Variants in NUBPL observed in about 807,000 individuals in gnomAD.
NUBPL encodes iron-sulfur cluster transfer protein NUBPL.
Under a neutral mutation model 45.7 loss-of-function variants are expected in NUBPL, and 31 were observed. The observed-to-expected ratio is 0.68, with a 90% CI of 0.51 to 0.92. The LOEUF is 0.92. NUBPL is among the 40% of genes least tolerant of loss of function. The pLI, the probability that NUBPL is intolerant of heterozygous loss-of-function variation, is 0.00. For missense variants in NUBPL, 401 were observed against 398.7 expected, an observed-to-expected ratio of 1.01 and a Z score of -0.05; for synonymous variants, 144 against 140.9, an observed-to-expected ratio of 1.02 and a Z score of -0.15.
chr14:31,832,434 A>T (rs2040207745), intron 8 of NUBPL, among the ~76,000 whole-genome samples: 1 of 152,186 alleles, frequency 6.6e-6, no homozygotes, highest in African/African-American at 2.4e-5. Context: ...TAATAAATCT[A>T]CCAGGAGCTG....
chr14:31,763,868 A>C (rs2038863170), intron 6 of NUBPL, among the ~76,000 whole-genome samples: 1 of 152,338 alleles, frequency 6.6e-6, no homozygotes. Flanking sequence ...CTTACAATTT[A>C]TAATCTAATT....
At chr14:31,709,262 T>A (rs1420145025) in intron 6 of NUBPL, among the ~76,000 whole-genome samples, 1 of 152,204 alleles carries the variant, frequency 6.6e-6, no homozygotes, top group African/African-American at 2.4e-5. Context: ...TCTTAAGGCC[T>A]CCCATAGCCG....
chr14:31,724,057 A>G (rs1383920712), intron 6 of NUBPL, among the ~76,000 whole-genome samples: 2 of 152,174 alleles, frequency 1.3e-5, no homozygotes, highest in African/African-American at 2.4e-5. Flanking sequence ...CCCATTCAAT[A>G]TGAGGTTGTC....
intron 6 of NUBPL, among the ~76,000 whole-genome samples, chr14:31,688,573 C>T (rs1309038182): frequency 7.0e-6 from 1 of 142,538 alleles, no homozygotes; most frequent in Non-Finnish European, 1.5e-5. Context: ...GTGTGAGACT[C>T]CATCTCAAAG....
At chr14:31,816,875 T>C (rs936745855) in intron 7 of NUBPL, among the ~76,000 whole-genome samples, 1 of 152,146 alleles carries the variant, frequency 6.6e-6, no homozygotes, top group Non-Finnish European at 1.5e-5. Context: ...TCTAATTTGA[T>C]TGCACTGTGG....
chr14:31,592,003 C>T (rs1343763835), intron 3 of NUBPL, among the ~76,000 whole-genome samples: 2 of 152,086 alleles, frequency 1.3e-5, no homozygotes, highest in Non-Finnish European at 2.9e-5. Flanking sequence ...GAAGGTGATA[C>T]AAGTGAACCG....
At chr14:31,806,668 G>A (rs1237188169) in intron 7 of NUBPL, among the ~76,000 whole-genome samples, 2 of 151,932 alleles carry the variant, frequency 1.3e-5, no homozygotes, top group African/African-American at 2.4e-5. Context: ...TGTGCACAAC[G>A]TGCAGGTTTG....
chr14:31,801,886 C>T (rs1337692504), intron 7 of NUBPL, among the ~76,000 whole-genome samples: 1 of 152,116 alleles, frequency 6.6e-6, no homozygotes, highest in Non-Finnish European at 1.5e-5. Context: ...TTTCTTATCT[C>T]CTGGAGAGAG....
In NUBPL at chr14:31,859,857, A is replaced by G. The variant is rs1260303831; in HGVS notation, c.*677A>G. 5 of 153,688 alleles carry G rather than the reference A, an allele frequency of 3.3e-5. No homozygotes were observed. Among genetic ancestry groups the G allele is most frequent in the Non-Finnish European group, 7.2e-5 (5 of 69,060 alleles). 9.5% of individuals were successfully genotyped at this position (153,688 alleles called of 1,614,324 possible). On this transcript the variant is annotated 3_prime_UTR_variant, in exon 11 of 11. Transcript: ENST00000281081. The stretch of plus-strand genomic sequence containing the variant: ...GGGTACTATTATCTCCATTTTACAG[A>G]TAAGTAATTTGAGATATAATTTGAA...
chr14:31,731,414 G>T (rs1045206306), intron 6 of NUBPL, among the ~76,000 whole-genome samples: 3 of 152,090 alleles, frequency 2.0e-5, no homozygotes, highest in African/African-American at 7.2e-5. Flanking sequence ...TATGCCTCTG[G>T]GTTTCAGCAT....
At chr14:31,805,314 G>T (rs1282773093) in intron 7 of NUBPL, among the ~76,000 whole-genome samples, 1 of 152,202 alleles carries the variant, frequency 6.6e-6, no homozygotes, top group African/African-American at 2.4e-5. Flanking sequence ...TACACTGTTG[G>T]TGAGAGTGTA....
chr14:31,804,785 T>C (rs2039653647), intron 7 of NUBPL, among the ~76,000 whole-genome samples: 1 of 152,084 alleles, frequency 6.6e-6, no homozygotes, highest in Non-Finnish European at 1.5e-5. Context: ...AAAAATCAAC[T>C]CAAGATGGGT....
At chr14:31,853,676 G>T (rs2040574850) in intron 10 of NUBPL, among the ~76,000 whole-genome samples, 1 of 152,306 alleles carries the variant, frequency 6.6e-6, no homozygotes, top group South Asian at 2.1e-4. Flanking sequence ...AGAGCTGTTA[G>T]TACCAATTAA....
At chr14:31,811,016 GT>G in intron 7 of NUBPL, among the ~76,000 whole-genome samples, 1 of 152,306 alleles carries the variant, frequency 6.6e-6, no homozygotes, top group East Asian at 1.9e-4. Context: ...TCCCTTTGTG[GT>G]TAACCCGCCC....
chr14:31,851,587 G>A (rs766086336), intron 10 of NUBPL, among the ~76,000 whole-genome samples: 1 of 152,012 alleles, frequency 6.6e-6, no homozygotes, highest in African/African-American at 2.4e-5. Flanking sequence ...TGTCTTTTAG[G>A]TATTAAATGT....
Position 31,850,209 on chromosome 14 carries a change from C to G in NUBPL, c.897+8C>G. On this transcript the variant is annotated splice_region_variant and intron_variant, in intron 10 of 10. Transcript: ENST00000281081. ...CAGCCTGAAAGTGATGAGGTAAGTTCCATTTTTGGATACATATTTTTATTT... is the reference window on the plus strand; with the variant it reads ...CAGCCTGAAAGTGATGAGGTAAGTTGCATTTTTGGATACATATTTTTATTT... 1 of 1,605,350 alleles carries G rather than the reference C, an allele frequency of 6.2e-7. No homozygotes were observed. Among genetic ancestry groups the G allele is most frequent in the Non-Finnish European group, 8.5e-7 (1 of 1,172,172 alleles).
intron 6 of NUBPL, among the ~76,000 whole-genome samples, chr14:31,755,255 A>G (rs1021033791): frequency 6.6e-6 from 1 of 152,078 alleles, no homozygotes; most frequent in Non-Finnish European, 1.5e-5. Context: ...CTAGTTCTAG[A>G]TCCCTGAGGA....
intron 8 of NUBPL, among the ~76,000 whole-genome samples, chr14:31,831,468 TATACCATACC>T (rs139348463): frequency 1.9e-3 from 266 of 143,168 alleles, no homozygotes; most frequent in Non-Finnish European, 2.6e-3. Flanking sequence ...TATACTGTAC[TATACCATACC>T]ATACCATACC....
chr14:31,691,512 T>C (rs539289794), intron 6 of NUBPL, among the ~76,000 whole-genome samples: 1 of 152,276 alleles, frequency 6.6e-6, no homozygotes, highest in South Asian at 2.1e-4. Flanking sequence ...AATTGTACTA[T>C]TATTTGCTAA....
Sources: allele counts gnomAD v4.1 joint callset (sites outside exome capture counted in the v4.1 genomes callset), GRCh38; gene constraint gnomAD v4.1.1; transcripts MANE v1.5; gene names NCBI Gene and HGNC (gene_info 2026-07-23, HGNC 2026-07-21).